Variants in NRXN1 observed in about 807,000 individuals in gnomAD.
NRXN1 encodes neurexin-1.
Under a neutral mutation model 150.9 loss-of-function variants are expected in NRXN1, and 39 were observed. The observed-to-expected ratio is 0.26, with a 90% CI of 0.20 to 0.34. NRXN1 has a LOEUF of 0.34. NRXN1 is among the 10% of genes least tolerant of loss of function. NRXN1 has a pLI of 1.00. For missense variants in NRXN1, 1,815 were observed against 1,949.9 expected, an observed-to-expected ratio of 0.93 and a Z score of 1.30; for synonymous variants, 924 against 757.0, an observed-to-expected ratio of 1.22 and a Z score of -3.62.
intron 5 of NRXN1, among the ~76,000 whole-genome samples, chr2:50,813,959 A>G (rs1668578369): frequency 6.6e-6 from 1 of 151,422 alleles, no homozygotes; most frequent in African/African-American, 2.4e-5. Flanking sequence ...AAGATTAAAG[A>G]GGAGATCATA....
At chr2:50,420,699 A>G (rs1226669935) in intron 17 of NRXN1, among the ~76,000 whole-genome samples, 1 of 152,046 alleles carries the variant, frequency 6.6e-6, no homozygotes, top group Admixed American at 6.6e-5. Flanking sequence ...AAATCCACAT[A>G]ATTTTCTGGT....
chr2:50,868,141 T>TTA (rs70958631), intron 5 of NRXN1, among the ~76,000 whole-genome samples: 1,094 of 87,064 alleles, frequency 0.013, 9 homozygotes, highest in African/African-American at 0.015. Flanking sequence ...AAACAAAATA[T>TTA]TATATATATA....
At chr2:50,867,104 A>T (rs1332243256) in intron 5 of NRXN1, among the ~76,000 whole-genome samples, 1 of 151,924 alleles carries the variant, frequency 6.6e-6, no homozygotes, top group Admixed American at 6.6e-5. Flanking sequence ...AGGCATGTTG[A>T]ACTTTCTTAG....
chr2:50,571,705 G>T (rs185510091), intron 8 of NRXN1, among the ~76,000 whole-genome samples: 1 of 152,072 alleles, frequency 6.6e-6, no homozygotes, highest in South Asian at 2.1e-4. Context: ...TAGATGGGAG[G>T]TGCCTAGGAA....
chr2:51,016,210 T>C (rs781418166), intron 2 of NRXN1, among the ~76,000 whole-genome samples: 39 of 152,154 alleles, frequency 2.6e-4, no homozygotes, highest in Admixed American at 5.9e-4. Context: ...AAAGATTTCA[T>C]GACTAAAACA....
chr2:50,945,126 T>C (rs1031109030), intron 2 of NRXN1, among the ~76,000 whole-genome samples: 5 of 152,170 alleles, frequency 3.3e-5, no homozygotes, highest in African/African-American at 1.2e-4. Flanking sequence ...AAAGCCTCTA[T>C]TGCAGCTACT....
chr2:50,897,906 C>G (rs1443926503), intron 5 of NRXN1, among the ~76,000 whole-genome samples: 1 of 151,812 alleles, frequency 6.6e-6, no homozygotes, highest in African/African-American at 2.4e-5. Context: ...CTGTATTCCT[C>G]CATAAAATTG....
chr2:50,177,058 T>C (rs931286892), intron 18 of NRXN1, among the ~76,000 whole-genome samples: 1 of 152,172 alleles, frequency 6.6e-6, no homozygotes, highest in Non-Finnish European at 1.5e-5. Context: ...GACATTGTTT[T>C]TAGTTGTGTT....
intron 5 of NRXN1, among the ~76,000 whole-genome samples, chr2:50,652,954 G>T (rs1344446126): frequency 6.6e-6 from 1 of 152,010 alleles, no homozygotes; most frequent in Non-Finnish European, 1.5e-5. Flanking sequence ...TCTATCATTT[G>T]TGTCTGACTG....
intron 13 of NRXN1, among the ~76,000 whole-genome samples, chr2:50,498,662 T>C (rs552451580): frequency 2.6e-5 from 4 of 152,196 alleles, no homozygotes; most frequent in Non-Finnish European, 5.9e-5. Flanking sequence ...ATTTTACCTG[T>C]TTGCAAGGTT....
intron 2 of NRXN1, among the ~76,000 whole-genome samples, chr2:50,964,194 T>G (rs141839106): frequency 6.6e-6 from 1 of 151,710 alleles, no homozygotes; most frequent in East Asian, 1.9e-4. Context: ...GGAAAAACCT[T>G]TATGCTGTTA....
intron 5 of NRXN1, among the ~76,000 whole-genome samples, chr2:50,808,231 C>G (rs1667760955): frequency 1.3e-5 from 2 of 151,948 alleles, no homozygotes; most frequent in African/African-American, 4.8e-5. Context: ...ATGACTGTAA[C>G]CAATTTGACA....
intron 5 of NRXN1, among the ~76,000 whole-genome samples, chr2:50,751,326 T>C (rs1006996880): frequency 6.6e-6 from 1 of 152,036 alleles, no homozygotes; most frequent in Non-Finnish European, 1.5e-5. Context: ...TTGTTGAAGA[T>C]AGGACTGAGT....
At chr2:50,142,748 A>G (rs1707459066) in intron 18 of NRXN1, among the ~76,000 whole-genome samples, 1 of 151,972 alleles carries the variant, frequency 6.6e-6, no homozygotes, top group Admixed American at 6.6e-5. Flanking sequence ...GCATTTAAAA[A>G]TTTAGAAATA....
chr2:50,964,439 G>T (rs2104722687), intron 2 of NRXN1, among the ~76,000 whole-genome samples: 1 of 151,558 alleles, frequency 6.6e-6, no homozygotes, highest in South Asian at 2.1e-4. Flanking sequence ...AAAATTAAAA[G>T]ATGTAACTAT....
At chr2:50,205,940 C>G (rs985621195) in intron 18 of NRXN1, among the ~76,000 whole-genome samples, 1 of 151,840 alleles carries the variant, frequency 6.6e-6, no homozygotes, top group Non-Finnish European at 1.5e-5. Context: ...TTGTCTAGGG[C>G]TTGGGAGAAG....
Position 50,521,101 on chromosome 2 carries a change from C to T in NRXN1, c.2374+7524G>A, listed in dbSNP as rs544586641. Among the ~76,000 whole-genome samples the T allele has an allele frequency of 3.3e-5, 5 of 152,202 alleles. No individual in the cohort carries two copies. The South Asian group carries it at 1.0e-3, about 32-fold the overall frequency. ...CACTGGAAACTTCCTGGTTCCAAAG[C>T]TGGTTGATTTCTCCATGTATTTGAA... On this transcript the variant is annotated intron_variant, in intron 12 of 22. Coordinates refer to ENST00000401669, the MANE Select transcript of NRXN1 (RefSeq NM_001330078.2).
chr2:50,494,467 G>A (rs11899645), intron 15 of NRXN1, among the ~76,000 whole-genome samples: 5,144 of 152,212 alleles, frequency 0.034, 270 homozygotes, highest in African/African-American at 0.12. Flanking sequence ...CAATCAGAGG[G>A]AATAAAGAGA....
intron 8 of NRXN1, among the ~76,000 whole-genome samples, chr2:50,595,181 CAGTGTGCTG>C (rs1347264672): frequency 1.3e-5 from 2 of 151,952 alleles, no homozygotes; most frequent in African/African-American, 4.8e-5. Flanking sequence ...GGTGAGACCT[CAGTGTGCTG>C]AGTATAAGAC....
Sources: gnomAD v4.1 joint callset for allele counts (sites outside exome capture counted in the v4.1 genomes callset) on GRCh38, gnomAD v4.1.1 for gene constraint, MANE v1.5 for transcripts, NCBI Gene and HGNC (gene_info 2026-07-23, HGNC 2026-07-21) for gene names.